The following ZFAND4 variants were observed in gnomAD, a reference collection of about 807,000 sequenced individuals.
ZFAND4 encodes the protein zinc finger AN1-type containing 4, also known as AN1-type zinc finger protein 4.
ZFAND4 carries 43 observed loss-of-function variants against 64.4 expected under a neutral mutation model. The ratio of observed to expected loss-of-function variants is 0.67; its 90% CI spans 0.52 to 0.86. The LOEUF is 0.86. ZFAND4 is among the 40% of genes least tolerant of loss of function. The pLI, the probability that ZFAND4 is intolerant of heterozygous loss-of-function variation, is 0.00. For missense variants in ZFAND4, 929 were observed against 859.8 expected (o/e 1.08, Z -1.01); for synonymous variants, 296 against 305.7 (o/e 0.97, Z 0.33).
chr10:45,637,357 A>G (rs865842249), intron 6 of ZFAND4, among the ~76,000 whole-genome samples: 3 of 151,996 alleles, frequency 2.0e-5, no homozygotes, highest in African/African-American at 7.2e-5. Flanking sequence ...AAAAAAAAAA[A>G]AATTTCAGCT....
rs1030937209 is a variant in ZFAND4 at position 45,648,389 on chromosome 10, A to G, written c.474T>C (p.Asp158=). 6.2e-7 allele frequency: 1 copy of G among 1,614,052 alleles called. No homozygotes were observed. The highest frequency in any genetic ancestry group is 8.5e-7 in the Non-Finnish European group (1 of 1,179,962). ...ACGGTGTTAAAGTGCCATCTCCCCT[A>G]TCTACTGCAGGAAAGAAATTCAATT... ...GDQLNFFPAV[D]RGDGTLTPLS... is the part of the protein sequence containing the mutation. Residue 158 remains aspartate (D), a synonymous_variant, in exon 5 of 10, where the codon GAT becomes GAC. Transcript: ENST00000344646.
chr10:45,620,336 C>T (rs2045327388), intron 8 of ZFAND4, among the ~76,000 whole-genome samples: 1 of 152,060 alleles, frequency 6.6e-6, no homozygotes, highest in African/African-American at 2.4e-5. Flanking sequence ...CATAAATTAG[C>T]TGGGCATGGT....
intron 6 of ZFAND4, among the ~76,000 whole-genome samples, chr10:45,629,311 C>T (rs2046052476): frequency 6.6e-6 from 1 of 152,120 alleles, no homozygotes; most frequent in Admixed American, 6.5e-5. Flanking sequence ...ATCCTCCCAC[C>T]TCTGCCTCCC....
chr10:45,666,383 C>G (rs770323909), intron 1 of ZFAND4, among the ~76,000 whole-genome samples: 3 of 152,052 alleles, frequency 2.0e-5, no homozygotes, highest in Non-Finnish European at 4.4e-5. Context: ...TATACTTTGT[C>G]TATTTTTTAA....
At position 45,618,154 on chromosome 10, in the gene ZFAND4, A is replaced by G. The variant is rs751257424; in HGVS notation, c.2034T>C (p.Ser678=). The part of the protein sequence containing the change: ...FLCGKKTGLA[S]SYECRCGNNF... ...CGCCAACCTGCCTGCATTCGTAGCTACTAGCCAGTCCTGTTTTCTTTCCAC... is the reference window on the plus strand; with the variant it reads ...CGCCAACCTGCCTGCATTCGTAGCTGCTAGCCAGTCCTGTTTTCTTTCCAC... Residue 678 remains serine (S), a synonymous_variant, in exon 9 of 10, where the codon AGT becomes AGC. Transcript: ENST00000344646. The G allele has an allele frequency of 1.2e-6, 2 of 1,612,294 alleles. No homozygotes were observed. Among genetic ancestry groups the G allele is most frequent in the Non-Finnish European group, 1.7e-6 (2 of 1,179,518 alleles).
intron 6 of ZFAND4, among the ~76,000 whole-genome samples, chr10:45,639,336 T>G (rs35599803): frequency 0.14 from 20,609 of 152,024 alleles, 1,498 homozygotes; most frequent in Middle Eastern, 0.23. Flanking sequence ...AACCACAATG[T>G]GATGCCACCA....
At chr10:45,666,502 T>C (rs1450728241) in intron 1 of ZFAND4, among the ~76,000 whole-genome samples, 2 of 152,050 alleles carry the variant, frequency 1.3e-5, no homozygotes, top group Non-Finnish European at 2.9e-5. Context: ...GGGTTGTCTT[T>C]TGATAGTATC....
rs2044940224 is a variant in ZFAND4 at position 45,616,380 on chromosome 10, T to G, written c.*56A>C. 6.3e-7 allele frequency: 1 copy of G among 1,589,946 alleles called. No homozygotes were observed. The highest frequency in any genetic ancestry group is 1.1e-5 in the South Asian group (1 of 87,012). On this transcript the variant is annotated 3_prime_UTR_variant, in exon 10 of 10. Coordinates refer to ENST00000344646, the MANE Select transcript of ZFAND4 (RefSeq NM_174890.4). ...ACAAAAATAATAGTCTAAACAACAT[T>G]TCTTCTGTCATTATAATACGAATCC...
intron 2 of ZFAND4, among the ~76,000 whole-genome samples, chr10:45,656,946 A>T (rs183093779): frequency 6.6e-6 from 1 of 152,238 alleles, no homozygotes; most frequent in Non-Finnish European, 1.5e-5. Flanking sequence ...CCAGCTCCAG[A>T]ACCGTGAGAA....
At position 45,658,736 on chromosome 10, in the gene ZFAND4, T is replaced by C. The variant is rs560432948; in HGVS notation, c.184+4806A>G. Among the ~76,000 whole-genome samples, 194 of 152,334 alleles carry C rather than the reference T, an allele frequency of 1.3e-3. 1 individual carries two copies. Among genetic ancestry groups the C allele is most frequent in the African/African-American group, 4.3e-3 (179 of 41,584 alleles). On this transcript the variant is annotated intron_variant, in intron 2 of 9. Transcript: ENST00000344646. ...AGCAAAACAAATACTTGGAATTTAA[T>C]AACACTGACATTCAACTTACCAAAA...
rs147578286 is a variant in ZFAND4, at chr10:45,640,683, G to C, written c.570-720C>G. Among the ~76,000 whole-genome samples the C allele has an allele frequency of 4.3e-3, 649 of 152,118 alleles. 4 individuals are homozygous for C. Among genetic ancestry groups the C allele is most frequent in the African/African-American group, 0.014 (572 of 41,492 alleles). On this transcript the variant is annotated intron_variant, in intron 5 of 9. Transcript: ENST00000344646. ...TTTTTTGTATTTTTAGTAGAGACAG[G>C]GTTTCACTGTGTTAGCCAGGACAGT...
intron 6 of ZFAND4, among the ~76,000 whole-genome samples, chr10:45,631,382 AC>A (rs138242176): frequency 0.03 from 4,570 of 150,360 alleles, 238 homozygotes; most frequent in African/African-American, 0.1. Flanking sequence ...AAAAAAAAAA[AC>A]ATATAAATTC....
chr10:45,651,536 A>C, intron 4 of ZFAND4: 1 of 469,876 alleles, frequency 2.1e-6, no homozygotes, highest in South Asian at 1.6e-5. Flanking sequence ...GGGCCATGAT[A>C]ATATCCATGA....
rs114431820 is a variant in ZFAND4 at position 45,666,402 on chromosome 10, T to C, written c.-117-2560A>G. Reference sequence around the variant, plus strand: ...CTTTGTCTATTTTTTAATTGGATTTTTTATTGAGTTGTATGAGTTTTTATA... The same window carrying C: ...CTTTGTCTATTTTTTAATTGGATTTCTTATTGAGTTGTATGAGTTTTTATA... On this transcript the variant is annotated intron_variant, in intron 1 of 9. Coordinates refer to ENST00000344646, the MANE Select transcript of ZFAND4 (RefSeq NM_174890.4). Among the ~76,000 whole-genome samples, 467 of 152,354 alleles carry C rather than the reference T, an allele frequency of 3.1e-3. 1 individual carries two copies. Among genetic ancestry groups the C allele is most frequent in the African/African-American group, 0.011 (448 of 41,576 alleles).
chr10:45,640,497 A>ATT, intron 5 of ZFAND4: 22 of 1,008,814 alleles, frequency 2.2e-5, no homozygotes, highest in Admixed American at 4.3e-5. Context: ...AGCAAAAAAC[A>ATT]TTTTTTTTTT....
At chr10:45,619,117 C>T (rs543101328) in intron 8 of ZFAND4, among the ~76,000 whole-genome samples, 1 of 152,020 alleles carries the variant, frequency 6.6e-6, no homozygotes, top group African/African-American at 2.4e-5. Flanking sequence ...CGGCTCACTG[C>T]AAGCTCTGTG....
chr10:45,616,167 A>G lies in ZFAND4; in HGVS notation c.*269T>C. On this transcript the variant is annotated 3_prime_UTR_variant, in exon 10 of 10. Coordinates refer to ENST00000344646, the MANE Select transcript of ZFAND4 (RefSeq NM_174890.4). Reference sequence around the variant, plus strand: ...AAGATTTGCCTAGTAAAACTGCAATATCATATACAAAACACTTAACACAAG... The same window carrying G: ...AAGATTTGCCTAGTAAAACTGCAATGTCATATACAAAACACTTAACACAAG... 2.5e-6 allele frequency: 1 copy of G among 395,290 alleles called. No homozygotes were observed. The highest frequency in any genetic ancestry group is 3.2e-5 in the South Asian group (1 of 31,590). The allele number at this position is 395,290 out of a possible 1,614,324, so 24.5% of individuals were successfully genotyped here.
chr10:45,651,927 T>C (rs1420830922), intron 4 of ZFAND4, 39 bp downstream of exon 4: 4 of 1,556,102 alleles, frequency 2.6e-6, no homozygotes, highest in Admixed American at 1.7e-5. Context: ...ACATAAAGAA[T>C]GTTACTGTCA....
intron 6 of ZFAND4, among the ~76,000 whole-genome samples, chr10:45,638,841 C>A (rs2133689674): frequency 6.6e-6 from 1 of 152,172 alleles, no homozygotes; most frequent in Non-Finnish European, 1.5e-5. Flanking sequence ...CAAAAGAAAC[C>A]AGACCATACT....
Sources: gnomAD v4.1 joint callset for allele counts (sites outside exome capture counted in the v4.1 genomes callset) on GRCh38, gnomAD v4.1.1 for gene constraint, MANE v1.5 for transcripts, NCBI Gene and HGNC (gene_info 2026-07-23, HGNC 2026-07-21) for gene names.